SLC24A1: variants seen among roughly 807,000 people sequenced by gnomAD.
SLC24A1 encodes solute carrier family 24 member 1, also known as sodium/potassium/calcium exchanger 1.
In SLC24A1, 52 loss-of-function variants were observed where a neutral mutation model predicts 88.1. That is an observed-to-expected ratio of 0.59 (90% CI 0.47 to 0.74). SLC24A1 has a LOEUF of 0.74. Ranked by LOEUF, SLC24A1 falls within the 30% of genes least tolerant of loss-of-function variation. The pLI is 0.00. For missense variants in SLC24A1, 1,173 were observed against 1,363.3 expected (o/e 0.86, Z 2.20); for synonymous variants, 455 against 498.0 (o/e 0.91, Z 1.15).
At chr15:65,644,907 T>C (rs1202749924) in intron 5 of SLC24A1, among the ~76,000 whole-genome samples, 1 of 152,210 alleles carries the variant, frequency 6.6e-6, no homozygotes, top group Non-Finnish European at 1.5e-5. Flanking sequence ...TTGCTAGTTA[T>C]TGGTCTGAAA....
rs1013936971 is a variant in SLC24A1 at position 65,624,855 on chromosome 15, T to A, written c.775T>A (p.Phe259Ile). 4 of 1,613,860 alleles carry A rather than the reference T, an allele frequency of 2.5e-6. No individual in the cohort carries two copies. In the African/African-American group the frequency reaches 5.3e-5, roughly 22 times the overall value. The change falls in exon 2 of 10, where the codon TTT becomes ATT. Residue 259 changes from phenylalanine to isoleucine, a missense_variant. Coordinates refer to ENST00000261892, the MANE Select transcript of SLC24A1 (RefSeq NM_004727.3). ...LKGMFDSTPT[F>I]LTHEVEANVL... ...GGGAATGTTTGATAGCACCCCAACT[T>A]TTCTGACACATGAGGTAGAAGCAAA...
Position 65,654,291 on chromosome 15 carries a change from G to C in SLC24A1, c.*212G>C. 1 of 1,369,526 alleles carries C rather than the reference G, an allele frequency of 7.3e-7. No individual in the cohort carries two copies. The highest frequency in any genetic ancestry group is 9.4e-7 in the Non-Finnish European group (1 of 1,065,478). 84.8% of individuals were successfully genotyped at this position (1,369,526 alleles called of 1,614,324 possible). ...TAAGAACCTCACCCCTGGAGGGGTG[G>C]AGTTTCTACCCCTGACTCATGCAGA... On this transcript the variant is annotated 3_prime_UTR_variant, in exon 10 of 10. Transcript: ENST00000261892.
Position 65,648,104 on chromosome 15 carries a change from CA to C in SLC24A1, c.2233-2272del, listed in dbSNP as rs1296804861. On this transcript the variant is annotated intron_variant, in intron 6 of 9. Coordinates refer to ENST00000261892, the MANE Select transcript of SLC24A1 (RefSeq NM_004727.3). The stretch of plus-strand genomic sequence containing the variant: ...TGAAACCCCGTCTCTACTAAAACTA[CA>C]AAAAATTAGCCAGGTGTGGTGGCAC... Among the ~76,000 whole-genome samples the C allele has an allele frequency of 1.3e-4, 20 of 152,112 alleles. No individual in the cohort carries two copies. In the East Asian group the frequency reaches 3.5e-3, roughly 27 times the overall value.
chr15:65,630,535 G>C (rs948271917), intron 2 of SLC24A1, among the ~76,000 whole-genome samples: 1 of 152,170 alleles, frequency 6.6e-6, no homozygotes, highest in Non-Finnish European at 1.5e-5. Flanking sequence ...GGAACTCACT[G>C]TGCTGCCAAA....
chr15:65,647,646 T>C (rs1253885611), intron 6 of SLC24A1, among the ~76,000 whole-genome samples: 2 of 152,108 alleles, frequency 1.3e-5, no homozygotes, highest in African/African-American at 4.8e-5. Flanking sequence ...GGAGTGACAG[T>C]CTTCAGAGTA....
chr15:65,654,297 C>A lies in SLC24A1; in HGVS notation c.*218C>A, dbSNP rs1395126956. The A allele has an allele frequency of 2.2e-6, 3 of 1,359,752 alleles. No individual in the cohort carries two copies. Among genetic ancestry groups the A allele is most frequent in the Non-Finnish European group, 2.8e-6 (3 of 1,059,440 alleles). 84.2% of individuals were successfully genotyped at this position (1,359,752 alleles called of 1,614,324 possible). A position where few individuals can be genotyped will look rare whatever the true frequency, so the allele number is the denominator to read the frequency against. On this transcript the variant is annotated 3_prime_UTR_variant, in exon 10 of 10. Transcript: ENST00000261892. ...CCTCACCCCTGGAGGGGTGGAGTTT[C>A]TACCCCTGACTCATGCAGACATCTA...
Position 65,654,445 on chromosome 15 carries a change from T to A in SLC24A1, c.*366T>A. On this transcript the variant is annotated 3_prime_UTR_variant, in exon 10 of 10. Transcript: ENST00000261892. ...AGCTCCTACGCTCACTGTTCCCTGATCATTCCAAAGGCTGCTGGCCCAAAA... is the reference window on the plus strand; with the variant it reads ...AGCTCCTACGCTCACTGTTCCCTGAACATTCCAAAGGCTGCTGGCCCAAAA... 1 of 1,165,682 alleles carries A rather than the reference T, an allele frequency of 8.6e-7. No homozygotes were observed. Among genetic ancestry groups the A allele is most frequent in the South Asian group, 1.8e-5 (1 of 55,662 alleles). The allele number at this position is 1,165,682 out of a possible 1,614,324, so 72.2% of individuals were successfully genotyped here. A position where few individuals can be genotyped will look rare whatever the true frequency, so the allele number is the denominator to read the frequency against.
chr15:65,654,759 G>A lies in SLC24A1; in HGVS notation c.*680G>A. The A allele has an allele frequency of 8.7e-7, 1 of 1,146,508 alleles. No individual in the cohort carries two copies. The highest frequency in any genetic ancestry group is 1.1e-6 in the Non-Finnish European group (1 of 869,780). 71.0% of individuals were successfully genotyped at this position (1,146,508 alleles called of 1,614,324 possible). A position where few individuals can be genotyped will look rare whatever the true frequency, so the allele number is the denominator to read the frequency against. On this transcript the variant is annotated 3_prime_UTR_variant, in exon 10 of 10. Coordinates refer to ENST00000261892, the MANE Select transcript of SLC24A1 (RefSeq NM_004727.3). ...TGGCTCTTGTTGCCCAGGCTGGTGT[G>A]CAATGGCGTGATCTCGGCACACCAC... is the stretch of plus-strand genomic sequence containing the variant.
intron 4 of SLC24A1, among the ~76,000 whole-genome samples, chr15:65,640,057 C>T (rs2075072165): frequency 6.6e-6 from 1 of 152,228 alleles, no homozygotes. Context: ...GCAAAGCCCA[C>T]TGCCCAGGAG....
chr15:65,613,324 G>C (rs34591601), intron 2 of SLC24A1, among the ~76,000 whole-genome samples: 1 of 152,166 alleles, frequency 6.6e-6, no homozygotes, highest in African/African-American at 2.4e-5. Flanking sequence ...TCTCACAGGG[G>C]CTAGGTACTG....
At chr15:65,634,802 T>C (rs1012038540) in intron 2 of SLC24A1, among the ~76,000 whole-genome samples, 5 of 138,654 alleles carry the variant, frequency 3.6e-5, no homozygotes, top group African/African-American at 1.3e-4. Flanking sequence ...ATCAGGGTGC[T>C]AAACAAAAAG....
upstream of SLC24A1, among the ~76,000 whole-genome samples, chr15:65,618,617 G>A (rs78173761): frequency 4.0e-4 from 61 of 152,232 alleles, no homozygotes; most frequent in Admixed American, 1.6e-3. Context: ...TGCTATACCC[G>A]ATTTACACAT....
chr15:65,660,084 T>C, downstream of SLC24A1: 1 of 496,394 alleles, frequency 2.0e-6, no homozygotes, highest in Non-Finnish European at 3.6e-6. Context: ...AGTTGACAAC[T>C]TTCAAATGAT....
At chr15:65,612,665 A>G (rs1290880436) in intron 2 of SLC24A1, 1 of 152,200 alleles carries the variant, frequency 6.6e-6, no homozygotes, top group African/African-American at 2.4e-5. Flanking sequence ...ATCTTGCCCT[A>G]TTGGGAGGGA....
intron 1 of SLC24A1, among the ~76,000 whole-genome samples, chr15:65,623,624 A>T (rs1402449517): frequency 6.6e-6 from 1 of 152,144 alleles, no homozygotes; most frequent in Non-Finnish European, 1.5e-5. Flanking sequence ...AGCTCCCAGG[A>T]TCTTAGGCTT....
chr15:65,634,507 G>A (rs538981860), intron 2 of SLC24A1, among the ~76,000 whole-genome samples: 1 of 152,200 alleles, frequency 6.6e-6, no homozygotes, highest in Admixed American at 6.5e-5. Flanking sequence ...ATGTTGTGAT[G>A]TGAGAGGTGA....
chr15:65,659,335 T>TTG (rs1566974987), downstream of SLC24A1: 1 of 129,242 alleles, frequency 7.7e-6, no homozygotes, highest in African/African-American at 2.8e-5. Flanking sequence ...TTTTTTTTTT[T>TTG]TTTTTTTTTT....
intron 2 of SLC24A1, among the ~76,000 whole-genome samples, chr15:65,628,844 C>G (rs919764207): frequency 5.9e-5 from 9 of 152,182 alleles, no homozygotes; most frequent in African/African-American, 1.2e-4. Context: ...AGAAAATTAA[C>G]TGCAATGAAG....
chr15:65,628,574 G>A (rs2074597723), intron 2 of SLC24A1, among the ~76,000 whole-genome samples: 1 of 152,136 alleles, frequency 6.6e-6, no homozygotes, highest in Non-Finnish European at 1.5e-5. Flanking sequence ...AACCATACAA[G>A]GAATGGATTA....
Sources: allele counts gnomAD v4.1 joint callset (sites outside exome capture counted in the v4.1 genomes callset), GRCh38; gene constraint gnomAD v4.1.1; transcripts MANE v1.5; gene names NCBI Gene and HGNC (gene_info 2026-07-23, HGNC 2026-07-21).